Variants in COL25A1 observed in about 807,000 individuals in gnomAD.
COL25A1 encodes the protein collagen alpha-1(XXV) chain.
Under a neutral mutation model 128.4 loss-of-function variants are expected in COL25A1, and 103 were observed. The observed-to-expected ratio is 0.80, with a 90% CI of 0.68 to 0.94. The LOEUF is 0.94. Ranked by LOEUF, COL25A1 falls within the 40% of genes least tolerant of loss-of-function variation. The pLI is 0.00. For missense variants in COL25A1, 745 were observed against 840.0 expected (o/e 0.89, Z 1.40); for synonymous variants, 279 against 277.2 (o/e 1.01, Z -0.06).
chr4:108,815,935 T>C (rs1731207928), intron 37 of COL25A1, among the ~76,000 whole-genome samples: 1 of 152,184 alleles, frequency 6.6e-6, no homozygotes, highest in Non-Finnish European at 1.5e-5. Flanking sequence ...GCATCTCCTC[T>C]ATGTGAAGTG....
At chr4:108,937,975 G>C (rs1747638754) in intron 10 of COL25A1, 132 bp from the exon 11 acceptor site, 2 of 658,908 alleles carry the variant, frequency 3.0e-6, no homozygotes, top group Non-Finnish European at 5.1e-6. Flanking sequence ...GAGGAATGTA[G>C]CACATTAAAA....
chr4:108,905,849 T>TTGGGG (rs1553964863), intron 13 of COL25A1, among the ~76,000 whole-genome samples: 1 of 97,542 alleles, frequency 1.0e-5, no homozygotes, highest in African/African-American at 4.7e-5. Context: ...GAGCAGTATG[T>TTGGGG]CGGGGGGGGG....
At chr4:109,095,706 T>C (rs1351526735) in intron 3 of COL25A1, among the ~76,000 whole-genome samples, 4 of 152,158 alleles carry the variant, frequency 2.6e-5, no homozygotes, top group Admixed American at 6.6e-5. Context: ...TTCAATAACA[T>C]AGTAGTAAAA....
At chr4:108,866,198 CT>C (rs35781275) in intron 20 of COL25A1, among the ~76,000 whole-genome samples, 13,473 of 128,378 alleles carry the variant, frequency 0.1, 373 homozygotes, top group African/African-American at 0.13. Flanking sequence ...TCTTTTCTTT[CT>C]TTTTTTTTTT....
At chr4:109,154,739 T>C (rs1771868445) in intron 3 of COL25A1, among the ~76,000 whole-genome samples, 1 of 152,190 alleles carries the variant, frequency 6.6e-6, no homozygotes, top group African/African-American at 2.4e-5. Flanking sequence ...AAAAAACATC[T>C]TCCCCAAGGA....
rs533685119 is a variant in COL25A1 at position 109,120,069 on chromosome 4, G to A, written c.368-69890C>T. On this transcript the variant is annotated intron_variant, in intron 3 of 37. Coordinates refer to ENST00000399132, the MANE Select transcript of COL25A1 (RefSeq NM_198721.4). ...GCATCTATAGATTCAGAAAAACCAT[G>A]TGACAAAATGCAACACCCATTAATG... is the stretch of plus-strand genomic sequence containing the variant. 5.9e-5 allele frequency among the ~76,000 whole-genome samples: 9 copies of A among 152,080 alleles called. 1 individual carries two copies. The highest frequency in any genetic ancestry group is 8.8e-5 in the Non-Finnish European group (6 of 67,990).
chr4:109,298,972 G>A (rs1379944884), intron 3 of COL25A1, among the ~76,000 whole-genome samples: 1 of 152,168 alleles, frequency 6.6e-6, no homozygotes, highest in African/African-American at 2.4e-5. Context: ...AATTTTAAAT[G>A]TAATAGATTT....
chr4:108,971,783 G>C (rs1368522737), intron 8 of COL25A1, among the ~76,000 whole-genome samples: 1 of 152,120 alleles, frequency 6.6e-6, no homozygotes, highest in Admixed American at 6.6e-5. Context: ...AAGGTTAAGA[G>C]TGGAAATAGA....
At chr4:108,868,116 C>T (rs1455120712) in intron 20 of COL25A1, among the ~76,000 whole-genome samples, 1 of 152,076 alleles carries the variant, frequency 6.6e-6, no homozygotes, top group Admixed American at 6.5e-5. Context: ...ACAAGTATAT[C>T]CTGAAATTGG....
rs939269529 is a variant in COL25A1 at position 108,950,861 on chromosome 4, T to A, written c.493-9424A>T. Among the ~76,000 whole-genome samples, 4 of 152,158 alleles carry A rather than the reference T, an allele frequency of 2.6e-5. No homozygotes were observed. In the East Asian group the frequency reaches 7.7e-4, roughly 29 times the overall value. On this transcript the variant is annotated intron_variant, in intron 8 of 37. Coordinates refer to ENST00000399132, the MANE Select transcript of COL25A1 (RefSeq NM_198721.4). ...GGGTGACAGGGAATTGTCATATGAA[T>A]GTCAATCCACATGGAAAATGTGTTA...
intron 3 of COL25A1, among the ~76,000 whole-genome samples, chr4:109,195,321 T>G (rs924542962): frequency 6.6e-6 from 1 of 152,198 alleles, no homozygotes; most frequent in Non-Finnish European, 1.5e-5. Flanking sequence ...ACACATGAGC[T>G]TCATAAATGA....
chr4:108,851,780 T>C (rs938272730), intron 26 of COL25A1, among the ~76,000 whole-genome samples: 2 of 152,152 alleles, frequency 1.3e-5, no homozygotes, highest in Non-Finnish European at 2.9e-5. Flanking sequence ...TGAAAAATGA[T>C]TCCTAAAATT....
At chr4:109,023,336 A>G (rs1757939552) in intron 5 of COL25A1, among the ~76,000 whole-genome samples, 1 of 152,214 alleles carries the variant, frequency 6.6e-6, no homozygotes, top group South Asian at 2.1e-4. Flanking sequence ...ACATCACCAC[A>G]ACAAGGGAAG....
At chr4:108,869,394 C>T (rs1309282107) in intron 19 of COL25A1, among the ~76,000 whole-genome samples, 1 of 152,104 alleles carries the variant, frequency 6.6e-6, no homozygotes, top group African/African-American at 2.4e-5. Flanking sequence ...TAGCAAATAT[C>T]AATCCTGAGT....
At chr4:109,068,667 A>T (rs531065897) in intron 3 of COL25A1, among the ~76,000 whole-genome samples, 2 of 152,298 alleles carry the variant, frequency 1.3e-5, no homozygotes, top group Admixed American at 6.5e-5. Flanking sequence ...TAATTCTATC[A>T]CCACTAAATA....
chr4:108,972,888 T>C (rs1752057800), intron 8 of COL25A1, among the ~76,000 whole-genome samples: 1 of 152,114 alleles, frequency 6.6e-6, no homozygotes, highest in Non-Finnish European at 1.5e-5. Flanking sequence ...TGGTTTCAGG[T>C]TTCATCCTGA....
intron 3 of COL25A1, among the ~76,000 whole-genome samples, chr4:109,060,486 C>T (rs1761863825): frequency 6.6e-6 from 1 of 152,106 alleles, no homozygotes; most frequent in Non-Finnish European, 1.5e-5. Context: ...TGAGGTAAAT[C>T]ATAGCATCTG....
chr4:109,230,771 A>G (rs1375270696), intron 3 of COL25A1, among the ~76,000 whole-genome samples: 1 of 152,254 alleles, frequency 6.6e-6, no homozygotes. Flanking sequence ...ACAAAGAAAT[A>G]GATATCTATG....
At chr4:109,239,107 T>A (rs1363965662) in intron 3 of COL25A1, among the ~76,000 whole-genome samples, 3 of 151,956 alleles carry the variant, frequency 2.0e-5, no homozygotes, top group African/African-American at 7.2e-5. Flanking sequence ...TTAAATGCAT[T>A]CCATCATTGC....
Sources: gnomAD v4.1 joint callset for allele counts (sites outside exome capture counted in the v4.1 genomes callset) on GRCh38, gnomAD v4.1.1 for gene constraint, MANE v1.5 for transcripts, NCBI Gene and HGNC (gene_info 2026-07-23, HGNC 2026-07-21) for gene names.